ARHGEF1: variants seen among roughly 807,000 people sequenced by gnomAD.
ARHGEF1 encodes the protein 115 kDa guanine nucleotide exchange factor.
A neutral mutation model predicts 119.7 loss-of-function variants in ARHGEF1; 40 were observed. That is an observed-to-expected ratio of 0.33 (90% CI 0.26 to 0.44). The LOEUF (loss-of-function observed/expected upper bound fraction) is 0.44, where lower values mean the gene tolerates loss of function less well. Among genes scored for constraint, ARHGEF1 ranks in the 20% least tolerant of loss-of-function variants. The probability of loss-of-function intolerance (pLI) is 1.00; values close to 1 mark genes in which losing one functional copy is unlikely to be tolerated. For synonymous variants in ARHGEF1, 494 were observed against 521.0 expected (o/e 0.95, Z 0.71); for missense variants, 976 against 1,268.3 (o/e 0.77, Z 3.50).
chr19:41,910,590 A>T (rs2074746326), downstream of ARHGEF1, among the ~76,000 whole-genome samples: 1 of 151,862 alleles, frequency 6.6e-6, no homozygotes, highest in Admixed American at 6.6e-5. This position sits in a 1 kb window ranked among gnomAD's most constrained non-coding sequence, Gnocchi z 4.4. Context: ...CCACTGACCC[A>T]TCCTGGCATA....
In ARHGEF1 at chr19:41,904,725, G is replaced by A. The variant is rs543297725; in HGVS notation, c.2162-224G>A. On this transcript the variant is annotated intron_variant, in intron 22 of 28. Coordinates refer to ENST00000354532, the MANE Select transcript of ARHGEF1 (RefSeq NM_004706.4). The surrounding 1 kb of genome is among the most constrained non-coding windows in gnomAD (Gnocchi z 8.4). Reference sequence around the variant, plus strand: ...GGGTGGGAGTGGCTGGAGGGGTTTCGTTAGGTAAGCCAGGGTACATGCCCG... The same window carrying A: ...GGGTGGGAGTGGCTGGAGGGGTTTCATTAGGTAAGCCAGGGTACATGCCCG... Among the ~76,000 whole-genome samples the A allele has an allele frequency of 2.6e-5, 4 of 152,206 alleles. No homozygotes were observed. Among genetic ancestry groups the A allele is most frequent in the Middle Eastern group, 3.4e-3 (1 of 294 alleles).
rs182243034 is a variant in ARHGEF1, at chr19:41,905,474, G to A, written c.2336+213G>A. ...CATGTGTGCGTGTGCATGTGTGTGC[G>A]TGTATGGTGTGTGTGTATGCATATG... is the stretch of plus-strand genomic sequence containing the variant. On this transcript the variant is annotated intron_variant, in intron 24 of 28. Coordinates refer to ENST00000354532, the MANE Select transcript of ARHGEF1 (RefSeq NM_004706.4). This position sits in a 1 kb window ranked among gnomAD's most constrained non-coding sequence, Gnocchi z 6.4. 3.6e-5 allele frequency: 22 copies of A among 613,698 alleles called. No individual in the cohort carries two copies. The highest frequency in any genetic ancestry group is 1.2e-4 in the Admixed American group (4 of 34,200). 38.0% of individuals were successfully genotyped at this position (613,698 alleles called of 1,614,324 possible).
In ARHGEF1 at chr19:41,902,130, A is replaced by G. The variant is rs1239591964; in HGVS notation, c.1414+97A>G. 3 of 1,565,024 alleles carry G rather than the reference A, an allele frequency of 1.9e-6. No individual in the cohort carries two copies. The highest frequency in any genetic ancestry group is 1.7e-5 in the Admixed American group (1 of 57,548). ...AACCTGCTCGGGAACCCCAGGGTTC[A>G]CATGGGGTGGGGGCAGATACGCCAT... On this transcript the variant is annotated intron_variant, in intron 15 of 28. Coordinates refer to ENST00000354532, the MANE Select transcript of ARHGEF1 (RefSeq NM_004706.4). This position sits in a 1 kb window ranked among gnomAD's most constrained non-coding sequence, Gnocchi z 6.5.
rs958124022 is a variant in ARHGEF1 at position 41,904,164 on chromosome 19, C to T, written c.1994-52C>T. ...GGGTGTTGGGGCAGTGAGCCAAGGG[C>T]GGGGAGGGGGTCGCGCGGGGGCACG... On this transcript the variant is annotated intron_variant, in intron 21 of 28. Transcript: ENST00000354532. The surrounding 1 kb of genome is among the most constrained non-coding windows in gnomAD (Gnocchi z 8.4). 3.8e-5 allele frequency: 62 copies of T among 1,612,740 alleles called. No individual in the cohort carries two copies. The highest frequency in any genetic ancestry group is 1.3e-4 in the Admixed American group (8 of 59,988).
Position 41,917,924 on chromosome 19 carries a change from CTG to C in ARHGEF1, c.1866-5155_1866-5154del, listed in dbSNP as rs139810296. On this transcript the variant is annotated intron_variant, in intron 18 of 20. Coordinates refer to the ARHGEF1 transcript ENST00000599589. The surrounding 1 kb of genome is among the most constrained non-coding windows in gnomAD (Gnocchi z 4.8). ...GAAGCCAGCTCCCCGCGGTCACACA[CTG>C]TGTGTGTGTGTGCTCACACACCTGT... Among the ~76,000 whole-genome samples, 2 of 151,790 alleles carry C rather than the reference CTG, an allele frequency of 1.3e-5. No individual in the cohort carries two copies. The highest frequency in any genetic ancestry group is 2.9e-5 in the Non-Finnish European group (2 of 67,916).
chr19:41,919,741 C>T (rs1464516144), upstream of ARHGEF1, among the ~76,000 whole-genome samples: 5 of 152,150 alleles, frequency 3.3e-5, no homozygotes, highest in Admixed American at 2.0e-4. Flanking sequence ...TCACTTGGTC[C>T]TTCCACCCTG....
In ARHGEF1 at chr19:41,889,091, C is replaced by T; in HGVS notation, c.225+226C>T. ...AGGGTAGATCTCAGTGCGCAGCGGG[C>T]AGGGTACACACGTCAGGACCCCGCG... is the stretch of plus-strand genomic sequence containing the variant. On this transcript the variant is annotated intron_variant, in intron 4 of 28. Transcript: ENST00000354532. The surrounding 1 kb of genome is among the most constrained non-coding windows in gnomAD (Gnocchi z 4.0). 1 of 506,296 alleles carries T rather than the reference C, an allele frequency of 2.0e-6. No homozygotes were observed. The highest frequency in any genetic ancestry group is 3.6e-6 in the Non-Finnish European group (1 of 280,192). The allele number at this position is 506,296 out of a possible 1,614,324, so 31.4% of individuals were successfully genotyped here.
At chr19:41,926,279 G>C (rs1437290239) in intron 1 of ARHGEF1, among the ~76,000 whole-genome samples, 1 of 152,116 alleles carries the variant, frequency 6.6e-6, no homozygotes, top group African/African-American at 2.4e-5. Context: ...GTTACCTGGA[G>C]GGGCAGGTGA....
downstream of ARHGEF1, among the ~76,000 whole-genome samples, chr19:41,912,319 C>T (rs560009783): frequency 6.6e-4 from 101 of 152,344 alleles, 2 homozygotes; most frequent in African/African-American, 2.4e-3. Flanking sequence ...CTCTCACACA[C>T]ACACACACCC....
chr19:41,901,666 T>C (rs1165737191), intron 14 of ARHGEF1, among the ~76,000 whole-genome samples: 1 of 152,198 alleles, frequency 6.6e-6, no homozygotes, highest in Non-Finnish European at 1.5e-5. Flanking sequence ...TTGCCCAGGC[T>C]GATCTTGGAC....
chr19:41,917,013 T>C lies in ARHGEF1; in HGVS notation c.1866-6079T>C, dbSNP rs79600216. On this transcript the variant is annotated intron_variant, in intron 18 of 20. Coordinates refer to the ARHGEF1 transcript ENST00000599589. This position sits in a 1 kb window ranked among gnomAD's most constrained non-coding sequence, Gnocchi z 4.8. ...TCCCAAGCATGTCTCTGCATGGGTG[T>C]GTGTGTGTGTGTGCACATATGTGAC... Among the ~76,000 whole-genome samples the C allele has an allele frequency of 0.037, 4,949 of 133,374 alleles. 281 individuals carry two copies. The highest frequency in any genetic ancestry group is 0.17 in the African/African-American group (4,680 of 28,088). 87.5% of individuals were successfully genotyped at this position (133,374 alleles called of 152,430 possible). A position where few individuals can be genotyped will look rare whatever the true frequency, so the allele number is the denominator to read the frequency against.
intron 13 of ARHGEF1, 79 bp downstream of exon 13, chr19:41,896,561 C>G (rs1416694461): frequency 9.1e-7 from 1 of 1,098,548 alleles, no homozygotes; most frequent in African/African-American, 1.6e-5. Flanking sequence ...CCGCTGCCAT[C>G]TGTGCCTGCC....
At position 41,905,442 on chromosome 19, in the gene ARHGEF1, A is replaced by G. The variant is rs11881291; in HGVS notation, c.2336+181A>G. 6,836 of 627,762 alleles carry G rather than the reference A, an allele frequency of 0.011. 253 individuals are homozygous for G. The highest frequency in any genetic ancestry group is 0.1 in the African/African-American group (5,266 of 50,518). The allele number at this position is 627,762 out of a possible 1,614,324, so 38.9% of individuals were successfully genotyped here. A position where few individuals can be genotyped will look rare whatever the true frequency, so the allele number is the denominator to read the frequency against. On this transcript the variant is annotated intron_variant, in intron 24 of 28. Coordinates refer to ENST00000354532, the MANE Select transcript of ARHGEF1 (RefSeq NM_004706.4). This position sits in a 1 kb window ranked among gnomAD's most constrained non-coding sequence, Gnocchi z 6.4. Reference sequence around the variant, plus strand: ...CTGTGCGTGCATATATAGTGTGTGTATGCATGCATGTGTGCGTGTGCATGT... The same window carrying G: ...CTGTGCGTGCATATATAGTGTGTGTGTGCATGCATGTGTGCGTGTGCATGT...
In ARHGEF1 at chr19:41,892,892, A is replaced by G. The variant is rs1045447414; in HGVS notation, c.614+43A>G. On this transcript the variant is annotated intron_variant, in intron 7 of 28. Coordinates refer to ENST00000354532, the MANE Select transcript of ARHGEF1 (RefSeq NM_004706.4). The surrounding 1 kb of genome is among the most constrained non-coding windows in gnomAD (Gnocchi z 6.3). ...GGTGGGAGCGTCGCCCCTCCCCAGC[A>G]CAAGGGCACCCGTGCTACCTCTGGC... The G allele has an allele frequency of 6.9e-6, 10 of 1,453,884 alleles. No individual in the cohort carries two copies. Among genetic ancestry groups the G allele is most frequent in the Non-Finnish European group, 9.1e-6 (10 of 1,103,424 alleles). 90.1% of individuals were successfully genotyped at this position (1,453,884 alleles called of 1,614,324 possible). A position where few individuals can be genotyped will look rare whatever the true frequency, so the allele number is the denominator to read the frequency against.
downstream of ARHGEF1, among the ~76,000 whole-genome samples, chr19:41,911,107 C>G (rs2074749051): frequency 6.6e-6 from 1 of 152,168 alleles, no homozygotes; most frequent in Non-Finnish European, 1.5e-5. Flanking sequence ...AGCAACTTCC[C>G]AAACCTGCAC....
intron 1 of ARHGEF1, among the ~76,000 whole-genome samples, chr19:41,923,497 G>A (rs760672766): frequency 1.3e-5 from 2 of 150,046 alleles, no homozygotes; most frequent in African/African-American, 2.5e-5. Context: ...CAGAGGAGTC[G>A]AGAGGCCAGA....
chr19:41,929,122 G>A (rs2074890418), intron 2 of ARHGEF1: 3 of 298,042 alleles, frequency 1.0e-5, no homozygotes, highest in South Asian at 5.1e-5. Context: ...AAACACAACC[G>A]GTACACGGAG....
At chr19:41,884,326 C>A (rs1391320312) in intron 1 of ARHGEF1, 9 of 1,270,858 alleles carry the variant, frequency 7.1e-6, no homozygotes, top group Admixed American at 4.5e-5. Context: ...GGGCCGGAGC[C>A]CGGCAGGAGC....
At chr19:41,884,691 G>GC (rs1568806215) in intron 1 of ARHGEF1, among the ~76,000 whole-genome samples, 1 of 152,110 alleles carries the variant, frequency 6.6e-6, no homozygotes, top group Non-Finnish European at 1.5e-5. Flanking sequence ...GTTCCTGCCA[G>GC]CCCCCCATGG....
Sources: allele counts gnomAD v4.1 joint callset (sites outside exome capture counted in the v4.1 genomes callset), GRCh38; gene constraint gnomAD v4.1.1; non-coding constraint Gnocchi (gnomAD v3.1); transcripts MANE v1.5; gene names NCBI Gene and HGNC (gene_info 2026-07-23, HGNC 2026-07-21).